Variants in KCNJ3 observed in about 807,000 individuals in gnomAD.
The protein encoded by KCNJ3 is G protein-activated inward rectifier potassium channel 1.
Under a neutral mutation model 39.2 loss-of-function variants are expected in KCNJ3, and 4 were observed. That is an observed-to-expected ratio of 0.10 (90% CI 0.05 to 0.23). The LOEUF (loss-of-function observed/expected upper bound fraction) is 0.23. Ranked by LOEUF, KCNJ3 falls within the 10% of genes least tolerant of loss-of-function variation. KCNJ3 has a pLI of 1.00. For missense variants in KCNJ3, 276 were observed against 634.9 expected, an observed-to-expected ratio of 0.43 and a Z score of 6.08; for synonymous variants, 230 against 237.4, an observed-to-expected ratio of 0.97 and a Z score of 0.29.
intron 2 of KCNJ3, among the ~76,000 whole-genome samples, chr2:154,770,693 A>T (rs951939940): frequency 6.6e-6 from 1 of 152,108 alleles, no homozygotes; most frequent in African/African-American, 2.4e-5. Flanking sequence ...AAGATCCTCT[A>T]ATTTTCATTC....
intron 2 of KCNJ3, among the ~76,000 whole-genome samples, chr2:154,824,197 T>C (rs1350401801): frequency 6.6e-6 from 1 of 151,996 alleles, no homozygotes; most frequent in African/African-American, 2.4e-5. Context: ...CAGCCGGGCA[T>C]AGTGGCATAC....
intron 2 of KCNJ3, among the ~76,000 whole-genome samples, chr2:154,785,311 G>A (rs1229344077): frequency 6.6e-6 from 1 of 152,146 alleles, no homozygotes; most frequent in Admixed American, 6.5e-5. Context: ...GGTAGGTATG[G>A]TTTCTTCTGA....
chr2:154,745,134 T>C (rs1399797258), intron 2 of KCNJ3, among the ~76,000 whole-genome samples: 1 of 151,978 alleles, frequency 6.6e-6, no homozygotes, highest in African/African-American at 2.4e-5. Context: ...GCTTGTTCTA[T>C]GGTCCAGTAT....
At chr2:154,818,252 A>G (rs1281963410) in intron 2 of KCNJ3, among the ~76,000 whole-genome samples, 1 of 152,110 alleles carries the variant, frequency 6.6e-6, no homozygotes, top group Non-Finnish European at 1.5e-5. Context: ...GCCTTCCTCA[A>G]TTTCTGAAAT....
intron 2 of KCNJ3, among the ~76,000 whole-genome samples, chr2:154,785,282 A>C (rs990503480): frequency 6.6e-6 from 1 of 152,234 alleles, no homozygotes; most frequent in Non-Finnish European, 1.5e-5. Context: ...GGAGGATCCT[A>C]GTCCAAGATC....
intron 2 of KCNJ3, among the ~76,000 whole-genome samples, chr2:154,737,800 TG>T (rs1384897668): frequency 6.6e-6 from 1 of 151,892 alleles, no homozygotes; most frequent in Admixed American, 6.6e-5. Flanking sequence ...ATCAGTCAGG[TG>T]GGGGTTATCT....
rs1684850321 is a variant in KCNJ3 at position 154,699,559 on chromosome 2, GC to G, written c.702+87del. On this transcript the variant is annotated intron_variant, in intron 1 of 2. Coordinates refer to ENST00000295101, the MANE Select transcript of KCNJ3 (RefSeq NM_002239.4). This position sits in a 1 kb window ranked among gnomAD's most constrained non-coding sequence, Gnocchi z 6.4. ...GTAACTCGTCTGAGAACCAGCCCGG[GC>G]CCCCTCCCCTGGTTCTACCTATAGC... 6.8e-7 allele frequency: 1 copy of G among 1,481,062 alleles called. No individual in the cohort carries two copies. The highest frequency in any genetic ancestry group is 8.9e-7 in the Non-Finnish European group (1 of 1,117,490). 91.7% of individuals were successfully genotyped at this position (1,481,062 alleles called of 1,614,324 possible). A position where few individuals can be genotyped will look rare whatever the true frequency, so the allele number is the denominator to read the frequency against.
intron 2 of KCNJ3, among the ~76,000 whole-genome samples, chr2:154,842,871 T>C (rs1367941938): frequency 6.6e-6 from 1 of 152,204 alleles, no homozygotes; most frequent in East Asian, 1.9e-4. Flanking sequence ...AGCACACTGA[T>C]GCGTCTTGAC....
chr2:154,756,780 T>C (rs759798874), intron 2 of KCNJ3, among the ~76,000 whole-genome samples: 20 of 152,024 alleles, frequency 1.3e-4, no homozygotes, highest in Admixed American at 4.6e-4. Flanking sequence ...TAAAATAAAA[T>C]AAAAATTTTG....
intron 2 of KCNJ3, among the ~76,000 whole-genome samples, chr2:154,820,287 T>C (rs980945498): frequency 6.6e-6 from 1 of 152,228 alleles, no homozygotes; most frequent in African/African-American, 2.4e-5. Context: ...TGATAGAATT[T>C]CTACATTCTG....
chr2:154,830,891 C>CAAG (rs1342779418), intron 2 of KCNJ3, among the ~76,000 whole-genome samples: 1 of 152,128 alleles, frequency 6.6e-6, no homozygotes, highest in Non-Finnish European at 1.5e-5. Flanking sequence ...TCCTTTCTTA[C>CAAG]AAGAAGTACA....
At chr2:154,732,521 T>G (rs1558859192) in intron 2 of KCNJ3, among the ~76,000 whole-genome samples, 1 of 152,136 alleles carries the variant, frequency 6.6e-6, no homozygotes, top group Non-Finnish European at 1.5e-5. Context: ...CAGTTTTTTT[T>G]CCATTGTATT....
intron 2 of KCNJ3, among the ~76,000 whole-genome samples, chr2:154,818,153 A>G (rs180691534): frequency 2.0e-5 from 3 of 152,270 alleles, no homozygotes; most frequent in Non-Finnish European, 4.4e-5. Context: ...ATGGGTATAT[A>G]TGGTATGATA....
intron 2 of KCNJ3, among the ~76,000 whole-genome samples, chr2:154,777,237 G>A (rs1433263898): frequency 6.6e-6 from 1 of 152,240 alleles, no homozygotes; most frequent in South Asian, 2.1e-4. Flanking sequence ...ATTGCAATAG[G>A]CCTCATTATT....
At chr2:154,723,600 T>G (rs1458185812) in intron 2 of KCNJ3, among the ~76,000 whole-genome samples, 1 of 147,948 alleles carries the variant, frequency 6.8e-6, no homozygotes, top group Non-Finnish European at 1.5e-5. Context: ...AATATTGTCT[T>G]TCTCATTTTA....
rs1687825115 is a variant in KCNJ3, at chr2:154,855,675, T to C, written c.*362T>C. On this transcript the variant is annotated 3_prime_UTR_variant, in exon 3 of 3. Transcript: ENST00000295101. ...TACTCTCCCTGACATTTCTAACATA[T>C]GTATTAAGCCAAACATGAGTGAATA... 1 of 160,266 alleles carries C rather than the reference T, an allele frequency of 6.2e-6. No individual in the cohort carries two copies. The highest frequency in any genetic ancestry group is 3.2e-3 in the Middle Eastern group (1 of 316). 9.9% of individuals were successfully genotyped at this position (160,266 alleles called of 1,614,324 possible).
At chr2:154,704,310 A>G (rs1684960646) in intron 1 of KCNJ3, among the ~76,000 whole-genome samples, 3 of 152,116 alleles carry the variant, frequency 2.0e-5, no homozygotes, top group Admixed American at 2.0e-4. Flanking sequence ...AAAGCATTTA[A>G]TAGATTGGAG....
At chr2:154,710,163 A>G (rs1685077952) in intron 2 of KCNJ3, among the ~76,000 whole-genome samples, 1 of 152,106 alleles carries the variant, frequency 6.6e-6, no homozygotes, top group African/African-American at 2.4e-5. Context: ...AAGTAGGGTA[A>G]TTATTGAGCA....
chr2:154,838,744 A>AATC (rs1687516015), intron 2 of KCNJ3, among the ~76,000 whole-genome samples: 1 of 152,212 alleles, frequency 6.6e-6, no homozygotes, highest in African/African-American at 2.4e-5. Context: ...AGGCTTTAGT[A>AATC]ATCTTTGAAA....
Sources: gnomAD v4.1 joint callset for allele counts (sites outside exome capture counted in the v4.1 genomes callset) on GRCh38, gnomAD v4.1.1 for gene constraint, Gnocchi (gnomAD v3.1) non-coding constraint, MANE v1.5 for transcripts, NCBI Gene and HGNC (gene_info 2026-07-23, HGNC 2026-07-21) for gene names.